LMCD1: variants seen among roughly 807,000 people sequenced by gnomAD.
LMCD1 encodes the protein LIM and cysteine rich domains 1, also known as LIM and cysteine-rich domains protein 1.
A neutral mutation model predicts 42.7 loss-of-function variants in LMCD1; 32 were observed. The ratio of observed to expected loss-of-function variants is 0.75; its 90% confidence interval spans 0.57 to 1.01. LMCD1 has a LOEUF of 1.01. Among genes scored for constraint, LMCD1 ranks in the 50% least tolerant of loss-of-function variants. The pLI is 0.00. For synonymous variants in LMCD1, 178 were observed against 184.9 expected, an observed-to-expected ratio of 0.96 and a Z score of 0.30; for missense variants, 458 against 483.1, an observed-to-expected ratio of 0.95 and a Z score of 0.49.
intron 1 of LMCD1, among the ~76,000 whole-genome samples, chr3:8,514,314 C>T (rs1356767553): frequency 6.6e-6 from 1 of 152,146 alleles, no homozygotes; most frequent in African/African-American, 2.4e-5. Flanking sequence ...CACAATGAGA[C>T]AGTGTCACAT....
chr3:8,502,184 A>G (rs911265279), intron 1 of LMCD1, among the ~76,000 whole-genome samples: 2 of 140,852 alleles, frequency 1.4e-5, no homozygotes, highest in Non-Finnish European at 3.0e-5. Flanking sequence ...ATATTTGCAA[A>G]GGGTCTTATG....
chr3:8,507,599 G>A lies in LMCD1; in HGVS notation c.42+5619G>A, dbSNP rs113402636. On this transcript the variant is annotated intron_variant, in intron 1 of 5. Coordinates refer to ENST00000157600, the MANE Select transcript of LMCD1 (RefSeq NM_014583.4). ...CAAGTTTGGGGCTAGGCAAAAGAGA[G>A]GAAGGAAAGACATCTCTAAGGGTCC... 4.0e-4 allele frequency among the ~76,000 whole-genome samples: 61 copies of A among 152,296 alleles called. 1 individual carries two copies. Among genetic ancestry groups the A allele is most frequent in the African/African-American group, 1.4e-3 (58 of 41,576 alleles).
intron 4 of LMCD1, among the ~76,000 whole-genome samples, chr3:8,549,459 G>A (rs1217332185): frequency 6.6e-6 from 1 of 152,098 alleles, no homozygotes; most frequent in Non-Finnish European, 1.5e-5. Flanking sequence ...CCATTCATCA[G>A]TCAAATACTG....
intron 1 of LMCD1, among the ~76,000 whole-genome samples, chr3:8,526,889 T>C (rs1694312697): frequency 2.0e-5 from 3 of 152,130 alleles, no homozygotes; most frequent in Admixed American, 6.6e-5. Flanking sequence ...AGTCGGCAGG[T>C]TTTAAGTTCT....
chr3:8,522,120 T>A (rs1417590382), intron 1 of LMCD1, among the ~76,000 whole-genome samples: 1 of 152,222 alleles, frequency 6.6e-6, no homozygotes, highest in Non-Finnish European at 1.5e-5. Context: ...GAGCAAGGTC[T>A]TAAACAGAGA....
intron 3 of LMCD1, among the ~76,000 whole-genome samples, chr3:8,544,682 T>C (rs1694699383): frequency 6.6e-6 from 1 of 152,104 alleles, no homozygotes; most frequent in Non-Finnish European, 1.5e-5. Context: ...AGCAACAGGG[T>C]CTGTACAATA....
At chr3:8,509,673 C>G (rs141866514) in intron 1 of LMCD1, among the ~76,000 whole-genome samples, 31 of 152,234 alleles carry the variant, frequency 2.0e-4, no homozygotes, top group African/African-American at 7.2e-4. Context: ...TTGACCTCTC[C>G]CCTCCCCAAC....
intron 3 of LMCD1, 197 bp downstream of exon 3, chr3:8,537,637 A>G (rs1482876492): frequency 5.4e-6 from 3 of 555,278 alleles, no homozygotes; most frequent in Non-Finnish European, 9.1e-6. Flanking sequence ...GGTTTTCCTT[A>G]TCCATGAAAT....
At chr3:8,542,898 T>A (rs1694653235) in intron 3 of LMCD1, among the ~76,000 whole-genome samples, 1 of 152,148 alleles carries the variant, frequency 6.6e-6, no homozygotes, top group Admixed American at 6.5e-5. Context: ...AGTGCCTGGA[T>A]CATAGCAAGC....
At chr3:8,504,053 C>T (rs768704495) in intron 1 of LMCD1, among the ~76,000 whole-genome samples, 13 of 152,188 alleles carry the variant, frequency 8.5e-5, no homozygotes, top group Admixed American at 4.6e-4. Context: ...GTTTGTTTTC[C>T]ATTTAGATCC....
intron 1 of LMCD1, among the ~76,000 whole-genome samples, chr3:8,529,833 A>G (rs1694377479): frequency 6.6e-6 from 1 of 152,212 alleles, no homozygotes; most frequent in African/African-American, 2.4e-5. Flanking sequence ...TTTTCTTCAC[A>G]AGATGTAATT....
At chr3:8,515,685 A>G (rs947917872) in intron 1 of LMCD1, among the ~76,000 whole-genome samples, 33 of 152,184 alleles carry the variant, frequency 2.2e-4, no homozygotes, top group African/African-American at 8.0e-4. Context: ...GGGAAATAGG[A>G]GACGGAAAGG....
rs968858431 is a variant in LMCD1, at chr3:8,571,195, C to T, written c.*3597C>T. 3 of 152,100 alleles carry T rather than the reference C, an allele frequency of 2.0e-5. No homozygotes were observed. The highest frequency in any genetic ancestry group is 4.4e-5 in the Non-Finnish European group (3 of 68,010). The allele number at this position is 152,100 out of a possible 1,614,324, so 9.4% of individuals were successfully genotyped here. A position where few individuals can be genotyped will look rare whatever the true frequency, so the allele number is the denominator to read the frequency against. ...ATAATATCCCAGGCTTACAGTAATT[C>T]TTCCAAGGCCTTTATTGTGCTATAA... On this transcript the variant is annotated 3_prime_UTR_variant, in exon 6 of 6. Transcript: ENST00000157600.
chr3:8,559,687 C>T (rs1448617185), intron 4 of LMCD1, among the ~76,000 whole-genome samples: 1 of 152,194 alleles, frequency 6.6e-6, no homozygotes, highest in Non-Finnish European at 1.5e-5. Flanking sequence ...CGGCTGCTAG[C>T]TTGTCTCTCG....
intron 1 of LMCD1, among the ~76,000 whole-genome samples, chr3:8,507,673 T>A (rs1017677204): frequency 6.6e-6 from 1 of 152,234 alleles, no homozygotes; most frequent in African/African-American, 2.4e-5. Context: ...CTTCAAGGAC[T>A]ACCATGCAAA....
At chr3:8,515,587 G>A (rs571330003) in intron 1 of LMCD1, among the ~76,000 whole-genome samples, 2 of 152,294 alleles carry the variant, frequency 1.3e-5, no homozygotes, top group Admixed American at 6.5e-5. Flanking sequence ...AGACCATTCC[G>A]TCTTCCCCTT....
chr3:8,532,523 C>A (rs971018415), intron 1 of LMCD1, among the ~76,000 whole-genome samples: 2 of 152,070 alleles, frequency 1.3e-5, no homozygotes, highest in African/African-American at 4.8e-5. Context: ...TGGGAAGAGC[C>A]CCACCCTTCC....
At chr3:8,539,477 G>A (rs543772035) in intron 3 of LMCD1, among the ~76,000 whole-genome samples, 4 of 152,266 alleles carry the variant, frequency 2.6e-5, no homozygotes, top group South Asian at 2.1e-4. Context: ...GGACATGCCC[G>A]GTAGTTCAGA....
rs60200554 is a variant in LMCD1 at position 8,520,186 on chromosome 3, T to C, written c.43-12551T>C. 2.2e-3 allele frequency among the ~76,000 whole-genome samples: 332 copies of C among 152,234 alleles called. 3 individuals are homozygous for C. The highest frequency in any genetic ancestry group is 7.8e-3 in the African/African-American group (322 of 41,532). ...TAAAAGTGTGTTATCCTTGGAAAGATCAGTAGGACTGCAAATTTGGAATTC... is the reference window on the plus strand; with the variant it reads ...TAAAAGTGTGTTATCCTTGGAAAGACCAGTAGGACTGCAAATTTGGAATTC... On this transcript the variant is annotated intron_variant, in intron 1 of 5. Coordinates refer to ENST00000157600, the MANE Select transcript of LMCD1 (RefSeq NM_014583.4).
Sources: gnomAD v4.1 joint callset for allele counts (sites outside exome capture counted in the v4.1 genomes callset) on GRCh38, gnomAD v4.1.1 for gene constraint, MANE v1.5 for transcripts, NCBI Gene and HGNC (gene_info 2026-07-23, HGNC 2026-07-21) for gene names.